Variants in SMARCA2 observed in about 807,000 individuals in gnomAD.
The protein encoded by SMARCA2 is SWI/SNF related BAF chromatin remodeling complex subunit ATPase 2.
Under a neutral mutation model 199.8 loss-of-function variants are expected in SMARCA2, and 61 were observed. The observed-to-expected ratio is 0.31, with a 90% CI of 0.25 to 0.38. SMARCA2 has a LOEUF of 0.38. Ranked by LOEUF, SMARCA2 falls within the 10% of genes least tolerant of loss-of-function variation. The probability of loss-of-function intolerance (pLI) is 1.00; values close to 1 mark genes in which losing one functional copy is unlikely to be tolerated. For synonymous variants in SMARCA2, 935 were observed against 732.0 expected (o/e 1.28, Z -4.48); for missense variants, 1,344 against 2,012.2 (o/e 0.67, Z 6.35).
intron 5 of SMARCA2, 39 bp downstream of exon 5, chr9:2,047,523 C>T: frequency 1.5e-6 from 2 of 1,292,850 alleles, no homozygotes; most frequent in South Asian, 5.2e-5. Flanking sequence ...CTGCGGTGTG[C>T]TAGCACCTGC....
Position 2,110,116 on chromosome 9 carries a change from A to T in SMARCA2, c.3293-138A>T. The T allele has an allele frequency of 1.9e-6, 1 of 524,380 alleles. No individual in the cohort carries two copies. The highest frequency in any genetic ancestry group is 3.2e-5 in the East Asian group (1 of 30,952). The allele number at this position is 524,380 out of a possible 1,614,324, so 32.5% of individuals were successfully genotyped here. On this transcript the variant is annotated intron_variant, in intron 23 of 33. Coordinates refer to ENST00000349721, the MANE Select transcript of SMARCA2 (RefSeq NM_003070.5). The surrounding 1 kb of genome is among the most constrained non-coding windows in gnomAD (Gnocchi z 4.8). ...TGTTCAAAGTTTTTTATCCAGAAGT[A>T]CAAAGCCCTGGAAATTACCTCACCA... is the stretch of plus-strand genomic sequence containing the variant.
At chr9:2,050,044 A>G (rs890188728) in intron 5 of SMARCA2, among the ~76,000 whole-genome samples, 5 of 152,238 alleles carry the variant, frequency 3.3e-5, no homozygotes, top group African/African-American at 9.6e-5. Context: ...GAAATTTGAC[A>G]GGAAGTTTTC....
At position 2,029,031 on chromosome 9, in the gene SMARCA2, G is replaced by A. The variant is rs775432878; in HGVS notation, c.9G>A (p.Thr3=). 64 of 1,549,674 alleles carry A rather than the reference G, an allele frequency of 4.1e-5. No homozygotes were observed. Among genetic ancestry groups the A allele is most frequent in the African/African-American group, 1.2e-4 (9 of 72,904 alleles). ...AGAGACAGGAGAGGTAGATGTCCAC[G>A]CCCACAGACCCTGGTGCGATGCCCC... MS[T]PTDPGAMPHP... The change falls in exon 2 of 34, where the codon ACG becomes ACA. Residue 3 remains threonine, a synonymous_variant. Coordinates refer to ENST00000349721, the MANE Select transcript of SMARCA2 (RefSeq NM_003070.5).
Position 2,161,600 on chromosome 9 carries a change from T to C in SMARCA2, c.3982-86T>C. The stretch of plus-strand genomic sequence containing the variant: ...ATTTCTTTCATTTTATTCTAATTGT[T>C]GGAGCTATATATAAATATACACATA... On this transcript the variant is annotated intron_variant, in intron 27 of 33. Transcript: ENST00000349721. The surrounding 1 kb of genome is among the most constrained non-coding windows in gnomAD (Gnocchi z 4.7). 1 of 853,448 alleles carries C rather than the reference T, an allele frequency of 1.2e-6. No individual in the cohort carries two copies. Among genetic ancestry groups the C allele is most frequent in the Non-Finnish European group, 1.9e-6 (1 of 538,788 alleles). 52.9% of individuals were successfully genotyped at this position (853,448 alleles called of 1,614,324 possible).
At chr9:2,031,396 G>A (rs999333205) in intron 2 of SMARCA2, among the ~76,000 whole-genome samples, 1 of 152,154 alleles carries the variant, frequency 6.6e-6, no homozygotes, top group Non-Finnish European at 1.5e-5. Context: ...TCAATGACTT[G>A]TAAACCTTCC....
intron 24 of SMARCA2, among the ~76,000 whole-genome samples, chr9:2,111,879 C>G (rs2130585572): frequency 6.6e-6 from 1 of 152,278 alleles, no homozygotes; most frequent in East Asian, 1.9e-4. Context: ...ACCACCAACA[C>G]TGGGCCACTG....
chr9:2,080,636 G>T (rs981179094), intron 14 of SMARCA2, among the ~76,000 whole-genome samples: 7 of 152,042 alleles, frequency 4.6e-5, no homozygotes, highest in African/African-American at 1.4e-4. Flanking sequence ...GGTTCTTCCT[G>T]TTTCTCTACT....
At chr9:2,185,609 A>T (rs1827382932) in intron 31 of SMARCA2, among the ~76,000 whole-genome samples, 1 of 152,170 alleles carries the variant, frequency 6.6e-6, no homozygotes, top group Admixed American at 6.5e-5. Context: ...ATCTTTCAGC[A>T]CCTACCCAGG....
intron 1 of SMARCA2, among the ~76,000 whole-genome samples, chr9:2,023,768 C>G (rs139396288): frequency 2.0e-5 from 3 of 152,332 alleles, no homozygotes; most frequent in Admixed American, 6.5e-5. Flanking sequence ...AGGCCCAGTT[C>G]TGAAGATGTT....
At position 2,192,954 on chromosome 9, in the gene SMARCA2, C is replaced by G. The variant is rs1827995705; in HGVS notation, c.*215C>G. ...TTGTAACATATTGTGACCAAATGGG[C>G]CTCAAAGATTCAGATTGAAACAAAC... On this transcript the variant is annotated 3_prime_UTR_variant, in exon 34 of 34. Coordinates refer to ENST00000349721, the MANE Select transcript of SMARCA2 (RefSeq NM_003070.5). 5 of 498,588 alleles carry G rather than the reference C, an allele frequency of 1.0e-5. No individual in the cohort carries two copies. The highest frequency in any genetic ancestry group is 5.1e-4 in the Middle Eastern group (1 of 1,976). The allele number at this position is 498,588 out of a possible 1,614,324, so 30.9% of individuals were successfully genotyped here.
chr9:2,060,923 G>T lies in SMARCA2; in HGVS notation c.1629G>T (p.Leu543=). 1 of 1,614,108 alleles carries T rather than the reference G, an allele frequency of 6.2e-7. No individual in the cohort carries two copies. The part of the protein sequence containing the change: ...TDEYVANLTN[L]VWEHKQAQAA... ...AGTATGTAGCCAATCTGACCAATCTGGTTTGGGAGCACAAGCAAGCCCAGG... is the reference window on the plus strand; with the variant it reads ...AGTATGTAGCCAATCTGACCAATCTTGTTTGGGAGCACAAGCAAGCCCAGG... The change falls in exon 9 of 34, where the codon CTG becomes CTT. Residue 543 remains leucine, a synonymous_variant. Coordinates refer to ENST00000349721, the MANE Select transcript of SMARCA2 (RefSeq NM_003070.5).
At chr9:2,064,771 C>T (rs979452911) in intron 9 of SMARCA2, among the ~76,000 whole-genome samples, 4 of 152,176 alleles carry the variant, frequency 2.6e-5, no homozygotes, top group Non-Finnish European at 5.9e-5. Flanking sequence ...AATTACATGG[C>T]CTCTACTTTA....
intron 28 of SMARCA2, among the ~76,000 whole-genome samples, chr9:2,165,416 G>T (rs1825887482): frequency 6.6e-6 from 1 of 151,978 alleles, no homozygotes; most frequent in African/African-American, 2.4e-5. Context: ...TAAAAAGGAG[G>T]GTGCTTCTAA....
intron 29 of SMARCA2, among the ~76,000 whole-genome samples, chr9:2,180,210 C>T (rs375971389): frequency 6.6e-6 from 1 of 151,964 alleles, no homozygotes; most frequent in Non-Finnish European, 1.5e-5. Flanking sequence ...CCCTGATTTT[C>T]GTACTCATGA....
chr9:2,131,180 A>G (rs549853271), intron 27 of SMARCA2, among the ~76,000 whole-genome samples: 1 of 152,326 alleles, frequency 6.6e-6, no homozygotes, highest in Non-Finnish European at 1.5e-5. Flanking sequence ...GCTCTGGATA[A>G]TATGCAATTA....
chr9:2,138,044 T>C (rs1454914281), intron 27 of SMARCA2, among the ~76,000 whole-genome samples: 3 of 152,188 alleles, frequency 2.0e-5, no homozygotes, highest in African/African-American at 7.2e-5. Flanking sequence ...TCAGAACATA[T>C]TAATGAAGAT....
chr9:2,187,257 T>A (rs1247272138), intron 32 of SMARCA2, among the ~76,000 whole-genome samples: 2 of 152,194 alleles, frequency 1.3e-5, no homozygotes, highest in Non-Finnish European at 2.9e-5. Context: ...AGTTGATGAC[T>A]GGGTTTTGGT....
Position 2,056,536 on chromosome 9 carries a change from C to G in SMARCA2, c.1174-136C>G, listed in dbSNP as rs1055918307. The G allele has an allele frequency of 1.7e-5, 12 of 697,092 alleles. No individual in the cohort carries two copies. Among genetic ancestry groups the G allele is most frequent in the Non-Finnish European group, 2.5e-5 (11 of 436,826 alleles). 43.2% of individuals were successfully genotyped at this position (697,092 alleles called of 1,614,324 possible). On this transcript the variant is annotated intron_variant, in intron 6 of 33. Coordinates refer to ENST00000349721, the MANE Select transcript of SMARCA2 (RefSeq NM_003070.5). The surrounding 1 kb of genome is among the most constrained non-coding windows in gnomAD (Gnocchi z 4.0). The stretch of plus-strand genomic sequence containing the variant: ...ATGATTTTAGTTCCTTCATTTAATA[C>G]AAACCAAAGGTGATTGAGAAGCTTG...
chr9:2,050,664 A>G (rs1820078815), intron 5 of SMARCA2, among the ~76,000 whole-genome samples: 1 of 151,672 alleles, frequency 6.6e-6, no homozygotes, highest in African/African-American at 2.4e-5. Flanking sequence ...CGCCATTGCA[A>G]TCCTGAAAAT....
Sources: gnomAD v4.1 joint callset for allele counts (sites outside exome capture counted in the v4.1 genomes callset) on GRCh38, gnomAD v4.1.1 for gene constraint, Gnocchi (gnomAD v3.1) non-coding constraint, MANE v1.5 for transcripts, NCBI Gene and HGNC (gene_info 2026-07-23, HGNC 2026-07-21) for gene names.